SCLT1: variants seen among roughly 807,000 people sequenced by gnomAD.
SCLT1 encodes sodium channel-associated protein 1.
A neutral mutation model predicts 112.8 loss-of-function variants in SCLT1; 78 were observed. That is an observed-to-expected ratio of 0.69 (90% CI 0.58 to 0.83). The LOEUF (loss-of-function observed/expected upper bound fraction) is 0.83. Among genes scored for constraint, SCLT1 ranks in the 40% least tolerant of loss-of-function variants. SCLT1 has a pLI of 0.00. For synonymous variants in SCLT1, 257 were observed against 254.7 expected, an observed-to-expected ratio of 1.01 and a Z score of -0.09; for missense variants, 747 against 770.4, an observed-to-expected ratio of 0.97 and a Z score of 0.36.
intron 11 of SCLT1, 44 bp downstream of exon 11, chr4:128,965,183 C>G: frequency 1.0e-6 from 1 of 973,056 alleles, no homozygotes; most frequent in Non-Finnish European, 1.6e-6. Context: ...TGTAAAATAT[C>G]TTTTAAAGCA....
At chr4:128,924,452 T>A (rs1470003616) in intron 18 of SCLT1, among the ~76,000 whole-genome samples, 1 of 151,858 alleles carries the variant, frequency 6.6e-6, no homozygotes, top group Non-Finnish European at 1.5e-5. Context: ...GTATTTTTAG[T>A]AGAGACGGGG....
intron 5 of SCLT1, among the ~76,000 whole-genome samples, chr4:129,018,779 TACTA>T (rs1560971287): frequency 2.6e-5 from 4 of 152,166 alleles, no homozygotes; most frequent in Admixed American, 1.3e-4. Flanking sequence ...TTCCTTATTT[TACTA>T]ACTCTCAATC....
intron 4 of SCLT1, 152 bp from the exon 5 acceptor site, chr4:129,039,248 A>T: frequency 1.8e-6 from 1 of 559,630 alleles, no homozygotes; most frequent in Non-Finnish European, 3.2e-6. Flanking sequence ...ATTAATATGG[A>T]TAATTTACTA....
intron 4 of SCLT1, among the ~76,000 whole-genome samples, chr4:128,876,132 A>G (rs1732514316): frequency 6.6e-6 from 1 of 152,184 alleles, no homozygotes; most frequent in Admixed American, 6.5e-5. Flanking sequence ...TGAATTATGC[A>G]TTCTCATGTA....
At chr4:128,912,975 T>G (rs555486409) in intron 18 of SCLT1, among the ~76,000 whole-genome samples, 2 of 152,350 alleles carry the variant, frequency 1.3e-5, no homozygotes, top group East Asian at 3.9e-4. Context: ...CAAATGTGAT[T>G]TGCTGAGCAT....
intron 5 of SCLT1, chr4:128,873,361 C>T (rs912754491): frequency 4.0e-5 from 6 of 151,292 alleles, no homozygotes; most frequent in African/African-American, 1.5e-4. Flanking sequence ...CAATAAGTTG[C>T]GATAAGCTCT....
chr4:128,954,575 A>G (rs1205599593), intron 13 of SCLT1, among the ~76,000 whole-genome samples: 1 of 152,116 alleles, frequency 6.6e-6, no homozygotes, highest in Non-Finnish European at 1.5e-5. Context: ...GGCCTCCCAA[A>G]GTGCTGGGAT....
intron 5 of SCLT1, 65 bp from the exon 6 acceptor site, chr4:129,003,941 G>A: frequency 7.0e-7 from 1 of 1,435,076 alleles, no homozygotes; most frequent in Non-Finnish European, 9.6e-7. Flanking sequence ...ACTGTTTCGA[G>A]GTCAATTAAA....
At chr4:128,996,271 T>C (rs2126076179) in intron 8 of SCLT1, among the ~76,000 whole-genome samples, 1 of 152,228 alleles carries the variant, frequency 6.6e-6, no homozygotes, top group South Asian at 2.1e-4. Context: ...CCATGAATTG[T>C]TGCTGAATTG....
At chr4:129,059,957 T>C (rs913335649) in intron 2 of SCLT1, among the ~76,000 whole-genome samples, 8 of 152,202 alleles carry the variant, frequency 5.3e-5, no homozygotes, top group Non-Finnish European at 1.2e-4. Flanking sequence ...TTCCCTTCTC[T>C]TCTCCTTCTG....
intron 9 of SCLT1, among the ~76,000 whole-genome samples, chr4:128,974,551 G>A (rs1461571943): frequency 2.6e-5 from 4 of 152,084 alleles, no homozygotes; most frequent in Non-Finnish European, 2.9e-5. Flanking sequence ...TATCCTGAAT[G>A]TGTTCTGGAC....
At chr4:129,008,783 T>A (rs1275265836) in intron 5 of SCLT1, among the ~76,000 whole-genome samples, 1 of 152,160 alleles carries the variant, frequency 6.6e-6, no homozygotes, top group Non-Finnish European at 1.5e-5. Flanking sequence ...CTAGTACTCA[T>A]TATTCTTTTT....
At position 129,003,833 on chromosome 4, in the gene SCLT1, C is replaced by A. The variant is rs1743749324; in HGVS notation, c.334G>T (p.Ala112Ser). ...LKDAVEKKLE[A>S]FPLGTEVGTD... ...CCTACCTCTGTGCCCAGGGGAAAGG[C>A]CTCCAATTTTTTTTCAACAGCATCT... Residue 112 changes from alanine to serine, a missense_variant, in exon 6 of 21, where the codon GCC (alanine) becomes TCC (serine). Coordinates refer to ENST00000281142, the MANE Select transcript of SCLT1 (RefSeq NM_144643.4). The A allele has an allele frequency of 1.2e-6, 2 of 1,611,804 alleles. No homozygotes were observed. Among genetic ancestry groups the A allele is most frequent in the East Asian group, 2.2e-5 (1 of 44,738 alleles).
At chr4:129,034,513 T>C (rs996447380) in intron 5 of SCLT1, among the ~76,000 whole-genome samples, 1 of 151,278 alleles carries the variant, frequency 6.6e-6, no homozygotes, top group Non-Finnish European at 1.5e-5. Context: ...AACTACTTTA[T>C]ATGCTAAATA....
At chr4:128,876,854 T>G (rs1407026740) in intron 3 of SCLT1, among the ~76,000 whole-genome samples, 2 of 152,240 alleles carry the variant, frequency 1.3e-5, no homozygotes, top group Non-Finnish European at 2.9e-5. Context: ...CCTCCTAGAC[T>G]GAAACCTGGG....
chr4:129,021,729 T>A (rs1745493064), intron 5 of SCLT1, among the ~76,000 whole-genome samples: 1 of 152,184 alleles, frequency 6.6e-6, no homozygotes, highest in East Asian at 1.9e-4. Context: ...GGGCACAGCT[T>A]CAGCAGATTT....
At chr4:128,938,577 T>G (rs1390419969) in intron 17 of SCLT1, among the ~76,000 whole-genome samples, 1 of 152,196 alleles carries the variant, frequency 6.6e-6, no homozygotes, top group Non-Finnish European at 1.5e-5. Context: ...CCCTTTCTCC[T>G]TCCCTTCCTT....
chr4:128,937,003 G>T, intron 17 of SCLT1, 152 bp from the exon 18 acceptor site: 1 of 442,482 alleles, frequency 2.3e-6, no homozygotes, highest in Non-Finnish European at 3.9e-6. Flanking sequence ...GTTTGGTCAG[G>T]TGCGGTGGCT....
intron 18 of SCLT1, among the ~76,000 whole-genome samples, chr4:128,906,293 G>A (rs1273396837): frequency 6.6e-6 from 1 of 152,118 alleles, no homozygotes; most frequent in African/African-American, 2.4e-5. Flanking sequence ...TGCCTCCCGG[G>A]TTCACGTCAT....
Sources: allele counts gnomAD v4.1 joint callset (sites outside exome capture counted in the v4.1 genomes callset), GRCh38; gene constraint gnomAD v4.1.1; transcripts MANE v1.5; gene names NCBI Gene and HGNC (gene_info 2026-07-23, HGNC 2026-07-21).